The following SKAP2 variants were observed in gnomAD, a reference collection of about 807,000 sequenced individuals.
SKAP2 encodes src kinase associated phosphoprotein 2.
In SKAP2, 28 loss-of-function variants were observed where a neutral mutation model predicts 54.9. The ratio of observed to expected loss-of-function variants is 0.51; its 90% confidence interval spans 0.38 to 0.70. SKAP2 has a LOEUF of 0.70. SKAP2 is among the 30% of genes least tolerant of loss of function. The pLI, the probability that SKAP2 is intolerant of heterozygous loss-of-function variation, is 0.00. For synonymous variants in SKAP2, 137 were observed against 134.3 expected, an observed-to-expected ratio of 1.02 and a Z score of -0.14; for missense variants, 356 against 424.1, an observed-to-expected ratio of 0.84 and a Z score of 1.41.
intron 4 of SKAP2, among the ~76,000 whole-genome samples, chr7:26,783,279 A>G (rs1315293138): frequency 6.6e-6 from 1 of 152,084 alleles, no homozygotes; most frequent in Admixed American, 6.5e-5. Context: ...TCCTAAGAAT[A>G]TCTTGTTTGT....
chr7:26,799,292 AC>A (rs200674712), intron 4 of SKAP2, among the ~76,000 whole-genome samples: 1,513 of 149,458 alleles, frequency 0.01, 14 homozygotes, highest in Admixed American at 0.017. Flanking sequence ...GAAAAAAAAA[AC>A]CCCATTGATC....
At chr7:26,662,645 T>C (rs959086279), downstream of SKAP2, among the ~76,000 whole-genome samples, 3 of 152,036 alleles carry the variant, frequency 2.0e-5, no homozygotes, top group Admixed American at 6.6e-5. Context: ...GGAAGAAAAA[T>C]AGCAAGCCCT....
At position 26,864,335 on chromosome 7, in the gene SKAP2, G is replaced by A. The variant is rs1248027094; in HGVS notation, c.67+28C>T. The A allele has an allele frequency of 1.9e-6, 3 of 1,613,382 alleles. No individual in the cohort carries two copies. The Admixed American group carries it at 5.0e-5, about 27-fold the overall frequency. On this transcript the variant is annotated intron_variant, in intron 1 of 12. Coordinates refer to ENST00000345317, the MANE Select transcript of SKAP2 (RefSeq NM_003930.5). ...CCGTTCCCTCGCCCCCGCCCCGACA[G>A]CATTATCGCCGCCTTCCCGCTCTTT...
intron 11 of SKAP2, among the ~76,000 whole-genome samples, chr7:26,676,678 T>A (rs1786356096): frequency 6.6e-6 from 1 of 152,212 alleles, no homozygotes; most frequent in African/African-American, 2.4e-5. Flanking sequence ...ACTGTTAACA[T>A]ATTGGGATAC....
intron 4 of SKAP2, among the ~76,000 whole-genome samples, chr7:26,821,633 G>T (rs1333064154): frequency 6.6e-6 from 1 of 151,984 alleles, no homozygotes; most frequent in East Asian, 1.9e-4. Context: ...TCTTTGACTG[G>T]ATTCTCAATA....
chr7:26,661,796 G>A, the SKAP2 span, among the ~76,000 whole-genome samples: 7 of 152,114 alleles, frequency 4.6e-5, no homozygotes, highest in South Asian at 2.1e-4. Context: ...GCTAGATTTC[G>A]GTGTGAAGGA....
intron 4 of SKAP2, among the ~76,000 whole-genome samples, chr7:26,766,933 T>G (rs1783069928): frequency 6.6e-6 from 1 of 152,200 alleles, no homozygotes; most frequent in Non-Finnish European, 1.5e-5. Context: ...AATTTTCTTT[T>G]TTTGTTGTGT....
chr7:26,685,047 T>A (rs1350397465), intron 10 of SKAP2, among the ~76,000 whole-genome samples, 199 bp from the exon 11 acceptor site: 1 of 152,200 alleles, frequency 6.6e-6, no homozygotes, highest in African/African-American at 2.4e-5. Context: ...TTCAAAAAGA[T>A]CTGATTTTGA....
At chr7:26,703,185 G>A (rs1489227093) in intron 9 of SKAP2, among the ~76,000 whole-genome samples, 1 of 152,084 alleles carries the variant, frequency 6.6e-6, no homozygotes, top group Admixed American at 6.5e-5. Context: ...AAGAAGAATT[G>A]TCTTGGGCCA....
intron 4 of SKAP2, among the ~76,000 whole-genome samples, chr7:26,784,332 C>G (rs1296723424): frequency 6.6e-6 from 1 of 152,242 alleles, no homozygotes; most frequent in East Asian, 1.9e-4. Context: ...TGAAGATCCC[C>G]AATCATTCAG....
At chr7:26,732,757 T>A (rs1455523326) in intron 6 of SKAP2, among the ~76,000 whole-genome samples, 2 of 152,228 alleles carry the variant, frequency 1.3e-5, no homozygotes, top group Non-Finnish European at 2.9e-5. Context: ...TTATACAGCT[T>A]GCAGATGCCA....
intron 3 of SKAP2, among the ~76,000 whole-genome samples, chr7:26,852,318 T>C (rs1372346654): frequency 6.6e-6 from 1 of 152,184 alleles, no homozygotes; most frequent in African/African-American, 2.4e-5. Context: ...GTCTGTACCC[T>C]TTACTATGCC....
In SKAP2 at chr7:26,753,928, C is replaced by T. The variant is rs137893529; in HGVS notation, c.308-13964G>A. On this transcript the variant is annotated intron_variant, in intron 4 of 12. Transcript: ENST00000345317. ...TTATATTTATATCCCACCTTAATAT[C>T]TACTTTCACAATTACTAACACTCCC... 7.9e-3 allele frequency among the ~76,000 whole-genome samples: 1,196 copies of T among 152,244 alleles called. 17 individuals are homozygous for T. Among genetic ancestry groups the T allele is most frequent in the African/African-American group, 0.028 (1,149 of 41,554 alleles).
At chr7:26,702,987 T>C (rs1584340439) in intron 9 of SKAP2, among the ~76,000 whole-genome samples, 1 of 152,248 alleles carries the variant, frequency 6.6e-6, no homozygotes, top group Admixed American at 6.5e-5. Flanking sequence ...AAAACCCAGA[T>C]TGCTGTGCCC....
At chr7:26,774,585 A>T (rs540913094) in intron 4 of SKAP2, among the ~76,000 whole-genome samples, 1 of 152,032 alleles carries the variant, frequency 6.6e-6, no homozygotes, top group South Asian at 2.1e-4. Context: ...CTCTCCTGTG[A>T]ATAGCCAACC....
intron 4 of SKAP2, among the ~76,000 whole-genome samples, chr7:26,828,161 G>T (rs931668934): frequency 3.3e-5 from 5 of 152,054 alleles, no homozygotes; most frequent in Admixed American, 6.5e-5. Context: ...TCAACAAAAT[G>T]ATCTATTAGA....
At chr7:26,859,781 A>G (rs1785243081) in intron 1 of SKAP2, among the ~76,000 whole-genome samples, 1 of 152,226 alleles carries the variant, frequency 6.6e-6, no homozygotes, top group Admixed American at 6.5e-5. Flanking sequence ...TGAGATTTAC[A>G]CTATATTCAG....
chr7:26,803,619 T>C (rs7798696), intron 4 of SKAP2, among the ~76,000 whole-genome samples: 45,388 of 151,940 alleles, frequency 0.3, 7,045 homozygotes, highest in Middle Eastern at 0.37. Flanking sequence ...CACTGCTGGA[T>C]ATATGCCCAA....
At chr7:26,659,793 C>T in the SKAP2 span, among the ~76,000 whole-genome samples, 1 of 151,950 alleles carries the variant, frequency 6.6e-6, no homozygotes, top group South Asian at 2.1e-4. Flanking sequence ...ATAAGAAAAA[C>T]AACTTCCCCT....
Sources: allele counts gnomAD v4.1 joint callset (sites outside exome capture counted in the v4.1 genomes callset), GRCh38; gene constraint gnomAD v4.1.1; transcripts MANE v1.5; gene names NCBI Gene and HGNC (gene_info 2026-07-23, HGNC 2026-07-21).